The following GSE1 variants were observed in gnomAD, a reference collection of about 807,000 sequenced individuals.
GSE1 encodes Gse1 coiled-coil protein, also known as genetic suppressor element 1.
In GSE1, 32 loss-of-function variants were observed where a neutral mutation model predicts 112.6. The observed-to-expected ratio is 0.28, with a 90% CI of 0.21 to 0.38. The LOEUF is 0.38. Ranked by LOEUF, GSE1 falls within the 10% of genes least tolerant of loss-of-function variation. The probability of loss-of-function intolerance (pLI) is 1.00; values close to 1 mark genes in which losing one functional copy is unlikely to be tolerated. For synonymous variants in GSE1, 1,115 were observed against 735.6 expected (o/e 1.52, Z -8.35); for missense variants, 2,348 against 1,699.2 (o/e 1.38, Z -6.71).
At chr16:85,183,696 T>G (rs1365043525) in intron 1 of GSE1, among the ~76,000 whole-genome samples, 2 of 152,256 alleles carry the variant, frequency 1.3e-5, no homozygotes, top group African/African-American at 4.8e-5. Context: ...GGGACAGGAA[T>G]GATGGCTCAC....
At chr16:85,337,466 C>T (rs900306204) in intron 1 of GSE1, among the ~76,000 whole-genome samples, 21 of 152,036 alleles carry the variant, frequency 1.4e-4, no homozygotes, top group African/African-American at 4.6e-4. Context: ...CCACCACGCC[C>T]GGCTAATTTT....
intron 1 of GSE1, among the ~76,000 whole-genome samples, chr16:85,271,007 G>C (rs1055373839): frequency 1.3e-5 from 2 of 152,200 alleles, no homozygotes; most frequent in African/African-American, 4.8e-5. Context: ...CACTGAGGCA[G>C]AGCGAATGCC....
At chr16:85,322,869 G>T (rs1054655989) in intron 1 of GSE1, among the ~76,000 whole-genome samples, 1 of 152,076 alleles carries the variant, frequency 6.6e-6, no homozygotes, top group Non-Finnish European at 1.5e-5. Context: ...ACCCGCCTTG[G>T]CCTCCCAAAG....
At chr16:85,613,533 A>T (rs976703355) in intron 1 of GSE1, 135 bp downstream of exon 1, 2 of 838,424 alleles carry the variant, frequency 2.4e-6, no homozygotes, top group African/African-American at 1.8e-5. Flanking sequence ...GTTAGCGGCG[A>T]TAAGAGCCGG....
intron 2 of GSE1, among the ~76,000 whole-genome samples, chr16:85,363,722 G>T (rs992448840): frequency 1.3e-5 from 2 of 150,764 alleles, no homozygotes; most frequent in African/African-American, 4.9e-5. Context: ...ACCACCAGTT[G>T]CCCTCTGTTG....
In GSE1 at chr16:85,314,291, C is replaced by A. The variant is rs552907475; in HGVS notation, c.2284-43172C>A. Among the ~76,000 whole-genome samples, 4 of 152,246 alleles carry A rather than the reference C, an allele frequency of 2.6e-5. No individual in the cohort carries two copies. In the East Asian group the frequency reaches 7.7e-4, roughly 29 times the overall value. The stretch of plus-strand genomic sequence containing the variant: ...CACACGTCTCGCCAAAATAGGGGGA[C>A]GTGAATGCTGCCACCTCCCAGGAGT... On this transcript the variant is annotated intron_variant, in intron 1 of 2. Transcript: ENST00000637419.
intron 2 of GSE1, among the ~76,000 whole-genome samples, chr16:85,502,492 C>T (rs563578189): frequency 1.4e-4 from 21 of 152,284 alleles, no homozygotes; most frequent in East Asian, 9.7e-4. Context: ...CCGCTATTAC[C>T]GGTGAGTGAG....
In GSE1 at chr16:85,311,551, A is replaced by T. The variant is rs2045848824; in HGVS notation, c.2284-45912A>T. Among the ~76,000 whole-genome samples the T allele has an allele frequency of 6.6e-6, 1 of 151,994 alleles. No homozygotes were observed. Among genetic ancestry groups the T allele is most frequent in the African/African-American group, 2.4e-5 (1 of 41,392 alleles). ...GGTGCCGGGGTGCTCACCTTCCCCGAGGCTTTGTTTCCGGATTCTTCTCTT... is the reference window on the plus strand; with the variant it reads ...GGTGCCGGGGTGCTCACCTTCCCCGTGGCTTTGTTTCCGGATTCTTCTCTT... On this transcript the variant is annotated intron_variant, in intron 1 of 2. Transcript: ENST00000637419. The surrounding 1 kb of genome is among the most constrained non-coding windows in gnomAD (Gnocchi z 4.2).
At chr16:85,665,365 G>C (rs958115716) in intron 12 of GSE1, among the ~76,000 whole-genome samples, 3 of 152,244 alleles carry the variant, frequency 2.0e-5, no homozygotes, top group Admixed American at 2.0e-4. Context: ...GGAGCTCTAC[G>C]TGCTGGTCAC....
chr16:85,613,691 G>A (rs1205427338), intron 1 of GSE1, among the ~76,000 whole-genome samples: 10 of 147,826 alleles, frequency 6.8e-5, no homozygotes, highest in African/African-American at 2.2e-4. Context: ...GTGCGTGCGG[G>A]CTAGAGGGCA....
At chr16:85,594,448 C>G (rs907763049) in intron 1 of GSE1, 1 of 152,294 alleles carries the variant, frequency 6.6e-6, no homozygotes, top group Non-Finnish European at 1.5e-5. Flanking sequence ...GCTGGCCTGC[C>G]TTTCATGCTG....
Position 85,657,645 on chromosome 16 carries a change from G to A in GSE1, c.1640+41G>A, listed in dbSNP as rs376606830. The A allele has an allele frequency of 1.6e-4, 215 of 1,355,282 alleles. 2 individuals are homozygous for A. The highest frequency in any genetic ancestry group is 1.5e-3 in the African/African-American group (105 of 68,216). The allele number at this position is 1,355,282 out of a possible 1,614,324, so 84.0% of individuals were successfully genotyped here. On this transcript the variant is annotated intron_variant, in intron 8 of 15. Transcript: ENST00000253458. Reference sequence around the variant, plus strand: ...GAAGGAAGGAGGGATGAGCCTTCACGTTCCGATTTGTTCAGCGTGTATTGA... The same window carrying A: ...GAAGGAAGGAGGGATGAGCCTTCACATTCCGATTTGTTCAGCGTGTATTGA...
At chr16:85,404,693 C>A (rs1488242774) in intron 2 of GSE1, among the ~76,000 whole-genome samples, 2 of 42,412 alleles carry the variant, frequency 4.7e-5, no homozygotes, top group African/African-American at 1.7e-4. Flanking sequence ...TACACTCAGG[C>A]CCCCCGGATA....
At chr16:85,495,380 G>T (rs767788494) in intron 2 of GSE1, among the ~76,000 whole-genome samples, 1 of 152,174 alleles carries the variant, frequency 6.6e-6, no homozygotes, top group Non-Finnish European at 1.5e-5. Flanking sequence ...GACAAAGGCC[G>T]ATACTGTCTT....
intron 2 of GSE1, among the ~76,000 whole-genome samples, chr16:85,529,430 A>G (rs917974143): frequency 1.3e-5 from 2 of 152,210 alleles, no homozygotes; most frequent in African/African-American, 4.8e-5. Context: ...AATATTTACA[A>G]TTAAAAACAA....
intron 2 of GSE1, among the ~76,000 whole-genome samples, chr16:85,536,634 C>A (rs1420142809): frequency 1.3e-5 from 2 of 152,240 alleles, no homozygotes; most frequent in Non-Finnish European, 2.9e-5. Flanking sequence ...TACCGCGAGG[C>A]CACGGGCCCT....
At chr16:85,584,081 TG>T (rs1392413605) in intron 1 of GSE1, among the ~76,000 whole-genome samples, 1 of 152,180 alleles carries the variant, frequency 6.6e-6, no homozygotes, top group Non-Finnish European at 1.5e-5. Context: ...AGGGCACGCA[TG>T]GGGACGGGGA....
chr16:85,169,633 A>T, exon 1 of GSE1: 1 of 983,278 alleles, frequency 1.0e-6, no homozygotes, highest in Non-Finnish European at 1.2e-6. Context: ...CGGCGGCGGC[A>T]TCGGGCGCGG....
At chr16:85,322,049 G>A (rs989684308) in intron 1 of GSE1, among the ~76,000 whole-genome samples, 2 of 152,226 alleles carry the variant, frequency 1.3e-5, no homozygotes, top group African/African-American at 2.4e-5. Context: ...AGGGGCTGGC[G>A]TGGAGCCTGC....
Sources: gnomAD v4.1 joint callset for allele counts (sites outside exome capture counted in the v4.1 genomes callset) on GRCh38, gnomAD v4.1.1 for gene constraint, Gnocchi (gnomAD v3.1) non-coding constraint, MANE v1.5 for transcripts, NCBI Gene and HGNC (gene_info 2026-07-23, HGNC 2026-07-21) for gene names.